Variants in ARHGAP39 observed in about 807,000 individuals in gnomAD.
ARHGAP39 encodes rho GTPase-activating protein 39.
A neutral mutation model predicts 106.9 loss-of-function variants in ARHGAP39; 44 were observed. The ratio of observed to expected loss-of-function variants is 0.41; its 90% CI spans 0.32 to 0.53. The LOEUF is 0.53. Among genes scored for constraint, ARHGAP39 ranks in the 20% least tolerant of loss-of-function variants. The pLI is 0.21. For synonymous variants in ARHGAP39, 768 were observed against 693.2 expected, an observed-to-expected ratio of 1.11 and a Z score of -1.69; for missense variants, 1,496 against 1,577.3, an observed-to-expected ratio of 0.95 and a Z score of 0.87.
At chr8:144,587,511 T>C (rs1031071945) in intron 2 of ARHGAP39, among the ~76,000 whole-genome samples, 1 of 152,156 alleles carries the variant, frequency 6.6e-6, no homozygotes, top group Non-Finnish European at 1.5e-5. Context: ...AAGAAACTAA[T>C]GCTGAAGGAT....
intron 1 of ARHGAP39, among the ~76,000 whole-genome samples, chr8:144,655,316 G>C (rs950819769): frequency 4.6e-5 from 7 of 152,128 alleles, no homozygotes; most frequent in African/African-American, 1.7e-4. Flanking sequence ...CCCGGGATCA[G>C]CCAGAGCTGA....
rs1340562764 is a variant in ARHGAP39, at chr8:144,605,545, A to G, written c.70T>C (p.Ser24Pro). Residue 24 changes from serine to proline, a missense_variant, in exon 2 of 12, where the codon TCG becomes CCG. Physicochemically the swap from Ser to Pro is moderately conservative, Grantham distance 74. Transcript: ENST00000377307. The stretch of plus-strand genomic sequence containing the variant: ...CGGTCGGCTCCTTACCGAGTGTTCG[A>G]CCCTGGAATCCTCGACTCCGGCAGG... ...VDLPESRIPG[S>P]NTRLEWVEII... 1 of 1,613,700 alleles carries G rather than the reference A, an allele frequency of 6.2e-7. No individual in the cohort carries two copies. Among genetic ancestry groups the G allele is most frequent in the East Asian group, 2.2e-5 (1 of 44,852 alleles).
chr8:144,663,199 C>T (rs1026742943), intron 1 of ARHGAP39, among the ~76,000 whole-genome samples: 7 of 151,866 alleles, frequency 4.6e-5, no homozygotes, highest in Admixed American at 3.3e-4. Context: ...GTCACTAAAG[C>T]CCCTGTTTGT....
intron 3 of ARHGAP39, among the ~76,000 whole-genome samples, chr8:144,577,080 T>C (rs1380030003): frequency 6.6e-6 from 1 of 152,258 alleles, no homozygotes; most frequent in Non-Finnish European, 1.5e-5. Context: ...GTCTAAATTC[T>C]GTACCTTTCA....
At chr8:144,605,507 C>A (rs1820252001) in intron 2 of ARHGAP39, 28 bp downstream of exon 2, 1 of 1,612,670 alleles carries the variant, frequency 6.2e-7, no homozygotes, top group Admixed American at 1.7e-5. Context: ...GAGGCCCGGG[C>A]AGCTCCGCAG....
rs1822573619 is a variant in ARHGAP39, at chr8:144,685,765, C to T, written c.-161G>A. Among the ~76,000 whole-genome samples, 1 of 147,818 alleles carries T rather than the reference C, an allele frequency of 6.8e-6. No homozygotes were observed. The highest frequency in any genetic ancestry group is 6.7e-5 in the Admixed American group (1 of 14,900). On this transcript the variant is annotated 5_prime_UTR_variant, in exon 1 of 12. Transcript: ENST00000377307. Reference sequence around the variant, plus strand: ...CGCGCGTGAGCCAGCCGCCGCTCCCCGGCCTCTCTGCTGCTCCGCCGCTGC... The same window carrying T: ...CGCGCGTGAGCCAGCCGCCGCTCCCTGGCCTCTCTGCTGCTCCGCCGCTGC...
At chr8:144,695,851 C>T in the ARHGAP39 span, among the ~76,000 whole-genome samples, 4 of 152,264 alleles carry the variant, frequency 2.6e-5, no homozygotes, top group South Asian at 6.2e-4. Flanking sequence ...GGATATTGCT[C>T]GCCACAGTAT....
At chr8:144,558,317 C>A (rs1326264629) in intron 3 of ARHGAP39, among the ~76,000 whole-genome samples, 1 of 151,978 alleles carries the variant, frequency 6.6e-6, no homozygotes, top group African/African-American at 2.4e-5. Context: ...GATGGAGTCT[C>A]TCTCTCTCAC....
intron 3 of ARHGAP39, among the ~76,000 whole-genome samples, chr8:144,580,186 G>A (rs1331785122): frequency 6.6e-6 from 1 of 152,032 alleles, no homozygotes; most frequent in African/African-American, 2.4e-5. Flanking sequence ...CACAGGCTGT[G>A]CTCCTTCGGA....
rs1818971692 is a variant in ARHGAP39 at position 144,581,131 on chromosome 8, T to C, written c.227A>G (p.Asn76Ser). The change falls in exon 3 of 12, where the codon AAC becomes AGC. Residue 76 changes from asparagine to serine, a missense_variant. Around this residue, in one of 4 missense-constraint regions of ARHGAP39, gnomAD observed 25 missense variants for 48.0 expected, o/e 0.52. Coordinates refer to ENST00000377307, the MANE Select transcript of ARHGAP39 (RefSeq NM_025251.3). Reference protein sequence around the residue: ...ENQWWELFDPNTSRFYYYNAS... With the variant: ...ENQWWELFDPSTSRFYYYNAS... ...ATTGTAGTAGTAGAAGCGGGACGTG[T>C]TGGGGTCGAACAGCTCCCACCACTG... 1.3e-5 allele frequency: 20 copies of C among 1,589,456 alleles called. No individual in the cohort carries two copies. The highest frequency in any genetic ancestry group is 1.7e-5 in the Non-Finnish European group (20 of 1,169,070).
At chr8:144,556,222 G>A (rs970173393) in intron 3 of ARHGAP39, among the ~76,000 whole-genome samples, 1 of 150,640 alleles carries the variant, frequency 6.6e-6, no homozygotes, top group Non-Finnish European at 1.5e-5. Flanking sequence ...GAGGCGGAGC[G>A]TGCAGTGAGC....
intron 7 of ARHGAP39, among the ~76,000 whole-genome samples, chr8:144,534,458 C>CG (rs1275888786): frequency 6.6e-6 from 1 of 152,232 alleles, no homozygotes; most frequent in Non-Finnish European, 1.5e-5. Context: ...TGCCCTCCTA[C>CG]GGCCACGCAG....
chr8:144,601,389 C>T (rs1163173625), intron 2 of ARHGAP39, among the ~76,000 whole-genome samples: 5 of 107,824 alleles, frequency 4.6e-5, no homozygotes, highest in East Asian at 3.2e-4. Flanking sequence ...TGCGTTGAGG[C>T]GTGTGTGCTC....
chr8:144,611,992 A>G (rs1820505055), intron 1 of ARHGAP39, among the ~76,000 whole-genome samples: 1 of 151,724 alleles, frequency 6.6e-6, no homozygotes, highest in Admixed American at 6.6e-5. Flanking sequence ...CTGGGTGACA[A>G]GAGCAAAACT....
upstream of ARHGAP39, among the ~76,000 whole-genome samples, chr8:144,686,075 C>T (rs1035051576): frequency 1.1e-4 from 16 of 152,002 alleles, no homozygotes; most frequent in African/African-American, 2.4e-4. Context: ...CGGACCTACC[C>T]TGTGAGTTAG....
intron 3 of ARHGAP39, among the ~76,000 whole-genome samples, chr8:144,579,491 C>T (rs1163238782): frequency 6.6e-6 from 1 of 152,088 alleles, no homozygotes; most frequent in Non-Finnish European, 1.5e-5. Context: ...CCCTGAATAC[C>T]GACACCAACA....
At chr8:144,587,697 C>T (rs1255053370) in intron 2 of ARHGAP39, among the ~76,000 whole-genome samples, 1 of 151,094 alleles carries the variant, frequency 6.6e-6, no homozygotes, top group Non-Finnish European at 1.5e-5. Flanking sequence ...CTCCGTCATC[C>T]AGGCTGGAGT....
rs1231047691 is a variant in ARHGAP39, at chr8:144,684,320, G to C, written c.-82+1366C>G. Among the ~76,000 whole-genome samples, 1 of 152,202 alleles carries C rather than the reference G, an allele frequency of 6.6e-6. No homozygotes were observed. The highest frequency in any genetic ancestry group is 1.5e-5 in the Non-Finnish European group (1 of 68,030). On this transcript the variant is annotated intron_variant, in intron 1 of 11. Transcript: ENST00000377307. This position sits in a 1 kb window ranked among gnomAD's most constrained non-coding sequence, Gnocchi z 4.4. ...CTTTCCCTCCCCCGGCGCGAGAATC[G>C]CACCTTGCTCCTTGTGGATCGGGCG...
Position 144,647,609 on chromosome 8 carries a change from G to A in ARHGAP39, c.-82+38077C>T, listed in dbSNP as rs1017728957. ...ATGAAAACAAAACAGCAATGAAAAC[G>A]ACTTTACACCAGATCAGGTCAGGAC... On this transcript the variant is annotated intron_variant, in intron 1 of 11. Coordinates refer to ENST00000377307, the MANE Select transcript of ARHGAP39 (RefSeq NM_025251.3). This position sits in a 1 kb window ranked among gnomAD's most constrained non-coding sequence, Gnocchi z 4.8. Among the ~76,000 whole-genome samples, 7 of 152,228 alleles carry A rather than the reference G, an allele frequency of 4.6e-5. No individual in the cohort carries two copies. The highest frequency in any genetic ancestry group is 1.0e-4 in the Non-Finnish European group (7 of 68,048).
Sources: gnomAD v4.1 joint callset for allele counts (sites outside exome capture counted in the v4.1 genomes callset) on GRCh38, gnomAD v4.1.1 for gene constraint, gnomAD v4.1.1 regional missense constraint, Gnocchi (gnomAD v3.1) non-coding constraint, MANE v1.5 for transcripts, NCBI Gene and HGNC (gene_info 2026-07-23, HGNC 2026-07-21) for gene names.